Variants in FGFR2 observed in about 807,000 individuals in gnomAD.
FGFR2 encodes the protein fibroblast growth factor receptor 2.
Under a neutral mutation model 95.9 loss-of-function variants are expected in FGFR2, and 19 were observed. The observed-to-expected ratio is 0.20, with a 90% CI of 0.14 to 0.29. The LOEUF (loss-of-function observed/expected upper bound fraction) is 0.29, where lower values mean the gene tolerates loss of function less well. Among genes scored for constraint, FGFR2 ranks in the 10% least tolerant of loss-of-function variants. The probability of loss-of-function intolerance (pLI) is 1.00; values close to 1 mark genes in which losing one functional copy is unlikely to be tolerated. For missense variants in FGFR2, 707 were observed against 1,056.9 expected (o/e 0.67, Z 4.59); for synonymous variants, 392 against 393.3 (o/e 1.00, Z 0.04).
Position 121,528,533 on chromosome 10 carries a change from A to C in FGFR2, c.749-8364T>G, listed in dbSNP as rs140446460. ...TCTAGAGAAGTCTAGAAAATCTATCATGCTCATCTCTCTCACATGCCTTGT... is the reference window on the plus strand; with the variant it reads ...TCTAGAGAAGTCTAGAAAATCTATCCTGCTCATCTCTCTCACATGCCTTGT... On this transcript the variant is annotated intron_variant, in intron 6 of 17. Transcript: ENST00000358487. Among the ~76,000 whole-genome samples the C allele has an allele frequency of 3.0e-4, 45 of 152,306 alleles. 1 individual carries two copies. In the East Asian group the frequency reaches 8.1e-3, roughly 27 times the overall value.
chr10:121,568,793 T>C (rs1386832382), intron 2 of FGFR2, among the ~76,000 whole-genome samples: 3 of 152,194 alleles, frequency 2.0e-5, no homozygotes, highest in African/African-American at 7.2e-5. Flanking sequence ...AAAATCTTGC[T>C]GAAACTGGGG....
At chr10:121,563,827 G>C (rs955867695) in intron 4 of FGFR2, among the ~76,000 whole-genome samples, 1 of 152,186 alleles carries the variant, frequency 6.6e-6, no homozygotes, top group African/African-American at 2.4e-5. Flanking sequence ...TCCCATGTTA[G>C]CGCTCAGTGT....
At chr10:121,584,974 C>A (rs529034412) in intron 2 of FGFR2, among the ~76,000 whole-genome samples, 8 of 147,350 alleles carry the variant, frequency 5.4e-5, no homozygotes, top group Non-Finnish European at 1.2e-4. Context: ...CCATCCCGCA[C>A]CCCACCCCAA....
At chr10:121,536,409 T>C (rs1029938874) in intron 6 of FGFR2, among the ~76,000 whole-genome samples, 1 of 152,188 alleles carries the variant, frequency 6.6e-6, no homozygotes, top group Non-Finnish European at 1.5e-5. Context: ...CATTGTGTCA[T>C]TATTGGCCCG....
intron 2 of FGFR2, among the ~76,000 whole-genome samples, chr10:121,567,854 G>GC (rs758434988): frequency 2.0e-4 from 31 of 152,254 alleles, no homozygotes; most frequent in Non-Finnish European, 3.5e-4. Flanking sequence ...TGGCCTGCAA[G>GC]CCCTACAATA....
chr10:121,512,798 A>C (rs1849224571), intron 9 of FGFR2, among the ~76,000 whole-genome samples: 1 of 152,220 alleles, frequency 6.6e-6, no homozygotes, highest in Non-Finnish European at 1.5e-5. Flanking sequence ...GGGAAGAAAA[A>C]GAGGAAGGAA....
chr10:121,564,467 C>G, intron 4 of FGFR2, 35 bp downstream of exon 4: 1 of 1,590,098 alleles, frequency 6.3e-7, no homozygotes, highest in Non-Finnish European at 8.6e-7. Flanking sequence ...CCATGCTCCT[C>G]TCTCGGGGAC....
chr10:121,577,152 A>T lies in FGFR2; in HGVS notation c.110-11448T>A, dbSNP rs1246735885. On this transcript the variant is annotated intron_variant, in intron 2 of 17. Coordinates refer to ENST00000358487, the MANE Select transcript of FGFR2 (RefSeq NM_000141.5). Reference sequence around the variant, plus strand: ...TCCATCTCAAAAAAAAAAAAAAAAAAAAAAAAATATATATATATATATATA... The same window carrying T: ...TCCATCTCAAAAAAAAAAAAAAAAATAAAAAAATATATATATATATATATA... Among the ~76,000 whole-genome samples the T allele has an allele frequency of 2.6e-3, 53 of 20,206 alleles. 1 individual carries two copies. Among genetic ancestry groups the T allele is most frequent in the Admixed American group, 8.3e-3 (11 of 1,328 alleles). The allele number at this position is 20,206 out of a possible 152,430, so 13.3% of individuals were successfully genotyped here. A position where few individuals can be genotyped will look rare whatever the true frequency, so the allele number is the denominator to read the frequency against.
At position 121,503,887 on chromosome 10, in the gene FGFR2, T is replaced by C. The variant is rs1187984599; in HGVS notation, c.1342A>G (p.Thr448Ala). ...MNSNTPLVRI[T>A]TRLSSTADTP... is the part of the protein sequence containing the mutation. Reference sequence around the variant, plus strand: ...TCTGCCGTTGAAGAGAGGCGTGTTGTTATCCTCACCAGCGGGGTGTTGGAG... The same window carrying C: ...TCTGCCGTTGAAGAGAGGCGTGTTGCTATCCTCACCAGCGGGGTGTTGGAG... Residue 448 changes from threonine (T) to alanine (A), a missense_variant, in exon 10 of 18, where the codon ACA (threonine) becomes GCA (alanine). Thr to Ala is a moderately conservative substitution (Grantham distance 58, BLOSUM62 0). Transcript: ENST00000358487. 2.5e-6 allele frequency: 4 copies of C among 1,613,998 alleles called. No homozygotes were observed. The highest frequency in any genetic ancestry group is 3.3e-5 in the Admixed American group (2 of 59,986).
intron 2 of FGFR2, among the ~76,000 whole-genome samples, chr10:121,574,442 T>C (rs1272593565): frequency 2.0e-5 from 3 of 151,970 alleles, no homozygotes; most frequent in Non-Finnish European, 4.4e-5. Flanking sequence ...GGCAGGAGAA[T>C]TGCTTGAATC....
At chr10:121,554,580 C>T (rs1301315595) in intron 4 of FGFR2, among the ~76,000 whole-genome samples, 2 of 146,922 alleles carry the variant, frequency 1.4e-5, no homozygotes, top group Non-Finnish European at 3.0e-5. Context: ...ACCGTTTTAG[C>T]CAGGATGGTC....
chr10:121,577,172 T>TAGAGAG (rs1206648416), intron 2 of FGFR2, among the ~76,000 whole-genome samples: 3 of 3,144 alleles, frequency 9.5e-4, no homozygotes, highest in South Asian at 5.9e-3. Flanking sequence ...TATATATATA[T>TAGAGAG]ATATATAGAG....
chr10:121,566,566 T>C (rs1334024787), intron 2 of FGFR2, among the ~76,000 whole-genome samples: 2 of 152,092 alleles, frequency 1.3e-5, no homozygotes, highest in Non-Finnish European at 2.9e-5. Flanking sequence ...CTCTTCCCTG[T>C]CATCCACCCT....
rs546780606 is a variant in FGFR2 at position 121,479,031 on chromosome 10, G to A, written c.*826C>T. ...GCATTTAGGAGGTCTAAGAACAATC[G>A]TCTGACAGCAGCATTTAAACACAAA... On this transcript the variant is annotated 3_prime_UTR_variant, in exon 18 of 18. Transcript: ENST00000358487. 4.3e-5 allele frequency: 10 copies of A among 233,148 alleles called. No individual in the cohort carries two copies. In the South Asian group the frequency reaches 1.1e-3, roughly 25 times the overall value. 14.4% of individuals were successfully genotyped at this position (233,148 alleles called of 1,614,324 possible).
intron 2 of FGFR2, among the ~76,000 whole-genome samples, chr10:121,569,769 G>A (rs1858301030): frequency 6.6e-6 from 1 of 152,214 alleles, no homozygotes; most frequent in Non-Finnish European, 1.5e-5. Context: ...AGTAACTGCT[G>A]TCTTGGTAAA....
intron 2 of FGFR2, 27 bp downstream of exon 2, chr10:121,593,682 C>T (rs1204445264): frequency 1.2e-6 from 2 of 1,603,738 alleles, no homozygotes; most frequent in African/African-American, 1.3e-5. Flanking sequence ...CCAAAACAAA[C>T]CTGAAAAGTG....
At chr10:121,530,037 G>A (rs1042905521) in intron 6 of FGFR2, among the ~76,000 whole-genome samples, 37 of 152,066 alleles carry the variant, frequency 2.4e-4, no homozygotes, top group African/African-American at 8.7e-4. Flanking sequence ...CAGCAACACC[G>A]ACACCCTTGG....
intron 9 of FGFR2, among the ~76,000 whole-genome samples, chr10:121,513,871 G>C (rs1167928535): frequency 1.3e-5 from 2 of 152,148 alleles, no homozygotes; most frequent in Non-Finnish European, 2.9e-5. Flanking sequence ...CATTCAGCCA[G>C]GAGTTTGAAG....
intron 14 of FGFR2, 87 bp downstream of exon 14, chr10:121,487,904 C>T (rs2133831495): frequency 6.4e-7 from 1 of 1,554,200 alleles, no homozygotes. Flanking sequence ...CCATCCCACC[C>T]AGCTCTCAAC....
Sources: allele counts gnomAD v4.1 joint callset (sites outside exome capture counted in the v4.1 genomes callset), GRCh38; gene constraint gnomAD v4.1.1; transcripts MANE v1.5; gene names NCBI Gene and HGNC (gene_info 2026-07-23, HGNC 2026-07-21).